STK39: variants seen among roughly 807,000 people sequenced by gnomAD.
STK39 encodes the protein serine/threonine kinase 39.
A neutral mutation model predicts 77.8 loss-of-function variants in STK39; 20 were observed. The ratio of observed to expected loss-of-function variants is 0.26; its 90% confidence interval spans 0.18 to 0.37. The LOEUF is 0.37. Ranked by LOEUF, STK39 falls within the 10% of genes least tolerant of loss-of-function variation. The pLI is 1.00. For missense variants in STK39, 479 were observed against 656.5 expected, an observed-to-expected ratio of 0.73 and a Z score of 2.95; for synonymous variants, 246 against 234.1, an observed-to-expected ratio of 1.05 and a Z score of -0.47.
chr2:168,192,053 C>T (rs1689353210), intron 1 of STK39, among the ~76,000 whole-genome samples: 1 of 152,016 alleles, frequency 6.6e-6, no homozygotes, highest in African/African-American at 2.4e-5. Context: ...AAGGCTGGTT[C>T]CAAGAGGTAG....
Position 167,983,477 on chromosome 2 carries a change from A to AAAGGAAGGAAGGAAGGAAGG in STK39, c.1499-18771_1499-18752dup, listed in dbSNP as rs35073385. 4.3e-3 allele frequency among the ~76,000 whole-genome samples: 559 copies of AAAGGAAGGAAGGAAGGAAGG among 130,786 alleles called. 4 individuals carry two copies. The highest frequency in any genetic ancestry group is 0.015 in the African/African-American group (508 of 34,894). 85.8% of individuals were successfully genotyped at this position (130,786 alleles called of 152,430 possible). On this transcript the variant is annotated intron_variant, in intron 16 of 17. Coordinates refer to ENST00000355999, the MANE Select transcript of STK39 (RefSeq NM_013233.3). ...CCAAAAAAAAAAAAAAAAAGAAATGAAAGGAAGGAAGGAAGGAAGGAAGGA... is the reference window on the plus strand; with the variant it reads ...CCAAAAAAAAAAAAAAAAAGAAATGAAAGGAAGGAAGGAAGGAAGGAAGGAAGGAAGGAAGGAAGGAAGGA...
chr2:168,125,522 T>C (rs1687518029), intron 10 of STK39, among the ~76,000 whole-genome samples: 1 of 152,178 alleles, frequency 6.6e-6, no homozygotes, highest in Non-Finnish European at 1.5e-5. Context: ...ATTTAGAATA[T>C]ATAGAGTGTC....
intron 10 of STK39, among the ~76,000 whole-genome samples, chr2:168,099,615 C>T (rs756025642): frequency 6.6e-6 from 1 of 152,194 alleles, no homozygotes; most frequent in Non-Finnish European, 1.5e-5. Context: ...ACATGTTTTT[C>T]AGGTTGTGAC....
chr2:168,016,740 C>T (rs1447017630), intron 15 of STK39, among the ~76,000 whole-genome samples: 1 of 152,124 alleles, frequency 6.6e-6, no homozygotes, highest in Non-Finnish European at 1.5e-5. Flanking sequence ...TCATCACATT[C>T]ACCATCATTT....
chr2:168,181,878 G>C, intron 2 of STK39, 100 bp downstream of exon 2: 1 of 978,228 alleles, frequency 1.0e-6, no homozygotes, highest in Non-Finnish European at 1.6e-6. Flanking sequence ...AAATGCATAT[G>C]TCAAAACTGG....
intron 5 of STK39, among the ~76,000 whole-genome samples, chr2:168,149,758 A>T (rs906670603): frequency 1.3e-5 from 2 of 152,360 alleles, no homozygotes; most frequent in South Asian, 4.1e-4. Context: ...AGTATCAAGC[A>T]TGGCTTTTCA....
At chr2:168,220,445 C>T (rs1559152593) in intron 1 of STK39, among the ~76,000 whole-genome samples, 2 of 152,132 alleles carry the variant, frequency 1.3e-5, no homozygotes, top group African/African-American at 2.4e-5. Context: ...TATTTTAAAT[C>T]TTTGGCTTCA....
chr2:168,185,808 A>G (rs1397840802), intron 1 of STK39, among the ~76,000 whole-genome samples: 2 of 152,176 alleles, frequency 1.3e-5, no homozygotes, highest in African/African-American at 4.8e-5. Context: ...CAGCAAAAAG[A>G]TATTTGCTTA....
At chr2:168,226,308 G>GA (rs908158188) in intron 1 of STK39, among the ~76,000 whole-genome samples, 1 of 59,544 alleles carries the variant, frequency 1.7e-5, no homozygotes, top group Non-Finnish European at 5.4e-5. Flanking sequence ...AACTTTTCCA[G>GA]GATGCTAGAA....
intron 1 of STK39, 30 bp from the exon 2 acceptor site, chr2:168,182,120 T>C: frequency 6.4e-7 from 1 of 1,573,994 alleles, no homozygotes. Context: ...ACATCAGCGA[T>C]CAAATGGCAC....
chr2:168,025,207 C>T (rs1207141004), intron 14 of STK39, among the ~76,000 whole-genome samples: 2 of 152,164 alleles, frequency 1.3e-5, no homozygotes, highest in African/African-American at 4.8e-5. Flanking sequence ...AATTCCAAAT[C>T]CATAACTCAA....
At chr2:168,222,124 T>C (rs2271742) in intron 1 of STK39, among the ~76,000 whole-genome samples, 1 of 152,088 alleles carries the variant, frequency 6.6e-6, no homozygotes, top group South Asian at 2.1e-4. Context: ...TGGCTGAATA[T>C]TCCAGTCTGG....
chr2:168,192,368 C>T (rs563792817), intron 1 of STK39, among the ~76,000 whole-genome samples: 17 of 152,264 alleles, frequency 1.1e-4, no homozygotes, highest in Middle Eastern at 3.4e-3. Context: ...AGCTCCAAAA[C>T]GAGGCTGGGG....
chr2:168,151,738 CAA>C (rs146231233), intron 5 of STK39, among the ~76,000 whole-genome samples: 21,191 of 111,292 alleles, frequency 0.19, 1,552 homozygotes, highest in South Asian at 0.31. Flanking sequence ...GACTCGGTCT[CAA>C]AAAAAAAAAA....
intron 7 of STK39, among the ~76,000 whole-genome samples, chr2:168,139,487 A>C (rs1391526367): frequency 2.0e-5 from 3 of 151,642 alleles, no homozygotes; most frequent in Admixed American, 1.3e-4. Context: ...GAGATTACGG[A>C]TGATTGTTTT....
chr2:168,069,057 C>A (rs766781972), intron 12 of STK39, among the ~76,000 whole-genome samples: 2 of 152,140 alleles, frequency 1.3e-5, no homozygotes, highest in Admixed American at 6.5e-5. Context: ...GCTGGGATTA[C>A]AGATGCACAC....
intron 10 of STK39, among the ~76,000 whole-genome samples, chr2:168,087,243 A>G (rs1471845987): frequency 2.0e-5 from 3 of 152,198 alleles, no homozygotes; most frequent in Non-Finnish European, 4.4e-5. Context: ...GCGAAGAGAA[A>G]GAGAAGCACA....
At chr2:168,064,082 C>T (rs1030199570) in intron 13 of STK39, among the ~76,000 whole-genome samples, 6 of 152,116 alleles carry the variant, frequency 3.9e-5, no homozygotes, top group Admixed American at 2.6e-4. Flanking sequence ...AATCCCGGGA[C>T]ATGAGTAGAC....
At chr2:168,234,749 G>T (rs893425189) in intron 1 of STK39, among the ~76,000 whole-genome samples, 4 of 152,096 alleles carry the variant, frequency 2.6e-5, no homozygotes, top group East Asian at 3.8e-4. Flanking sequence ...CCCTGATGAA[G>T]AAATAAATAT....
Sources: gnomAD v4.1 joint callset for allele counts (sites outside exome capture counted in the v4.1 genomes callset) on GRCh38, gnomAD v4.1.1 for gene constraint, MANE v1.5 for transcripts, NCBI Gene and HGNC (gene_info 2026-07-23, HGNC 2026-07-21) for gene names.